DSTYK: variants seen among roughly 807,000 people sequenced by gnomAD.
DSTYK encodes the protein dual serine/threonine and tyrosine protein kinase.
Under a neutral mutation model 98.7 loss-of-function variants are expected in DSTYK, and 34 were observed. That is an observed-to-expected ratio of 0.34 (90% CI 0.26 to 0.46). The LOEUF (loss-of-function observed/expected upper bound fraction) is 0.46. DSTYK is among the 20% of genes least tolerant of loss of function. DSTYK has a pLI of 1.00. For synonymous variants in DSTYK, 462 were observed against 457.3 expected, an observed-to-expected ratio of 1.01 and a Z score of -0.13; for missense variants, 962 against 1,181.7, an observed-to-expected ratio of 0.81 and a Z score of 2.73.
Position 205,163,015 on chromosome 1 carries a change from GAC to G in DSTYK, c.1558-11_1558-10del. 1 of 1,612,206 alleles carries G rather than the reference GAC, an allele frequency of 6.2e-7. No homozygotes were observed. Among genetic ancestry groups the G allele is most frequent in the Non-Finnish European group, 8.5e-7 (1 of 1,178,256 alleles). On this transcript the variant is annotated splice_polypyrimidine_tract_variant and intron_variant, in intron 4 of 12. Coordinates refer to ENST00000367162, the MANE Select transcript of DSTYK (RefSeq NM_015375.3). ...TAGGCAGCATTTAAGATCTGAAAGA[GAC>G]AACGCCAAAGAAAACATGTCCTCAG...
rs1657102202 is a variant in DSTYK, at chr1:205,142,520, C to T, written c.*5038G>A. 1 of 152,196 alleles carries T rather than the reference C, an allele frequency of 6.6e-6. No homozygotes were observed. Among genetic ancestry groups the T allele is most frequent in the Non-Finnish European group, 1.5e-5 (1 of 68,042 alleles). 9.4% of individuals were successfully genotyped at this position (152,196 alleles called of 1,614,324 possible). A position where few individuals can be genotyped will look rare whatever the true frequency, so the allele number is the denominator to read the frequency against. ...TAGAAACCTAAAACGTTAATGTGAT[C>T]TTTATTATACAGCACATCTGGTATT... On this transcript the variant is annotated 3_prime_UTR_variant, in exon 13 of 13. Transcript: ENST00000367162.
At chr1:205,153,821 A>G (rs911473926) in intron 10 of DSTYK, among the ~76,000 whole-genome samples, 2 of 151,062 alleles carry the variant, frequency 1.3e-5, no homozygotes, top group Admixed American at 6.6e-5. Context: ...CTCCTGCCTC[A>G]GCCTCCTAAG....
At position 205,159,626 on chromosome 1, in the gene DSTYK, T is replaced by C. The variant is rs1574754904; in HGVS notation, c.2159A>G (p.Tyr720Cys). The C allele has an allele frequency of 6.2e-7, 1 of 1,613,854 alleles. No individual in the cohort carries two copies. The highest frequency in any genetic ancestry group is 8.5e-7 in the Non-Finnish European group (1 of 1,179,970). ...LVDLHGSVIDYNYGGGSSIAV... is the reference protein window; with the variant it reads ...LVDLHGSVIDCNYGGGSSIAV... Reference sequence around the variant, plus strand: ...AATGCTGGAGCCACCACCATAGTTGTAGTCAATGACTGAACCATGGAGATC... The same window carrying C: ...AATGCTGGAGCCACCACCATAGTTGCAGTCAATGACTGAACCATGGAGATC... The change falls in exon 9 of 13, where the codon TAC (tyrosine) becomes TGC (cysteine). Residue 720 changes from tyrosine (Y) to cysteine (C), a missense_variant. Tyr to Cys is a radical substitution (Grantham distance 194, BLOSUM62 -2). Around this residue, in one of 4 missense-constraint regions of DSTYK, gnomAD observed 660 missense variants for 855.0 expected, o/e 0.77. Coordinates refer to ENST00000367162, the MANE Select transcript of DSTYK (RefSeq NM_015375.3).
intron 1 of DSTYK, among the ~76,000 whole-genome samples, chr1:205,198,608 C>T (rs1455650241): frequency 6.6e-6 from 1 of 152,096 alleles, no homozygotes; most frequent in Non-Finnish European, 1.5e-5. Flanking sequence ...CTGGTTCATT[C>T]TCACTGTCCC....
chr1:205,181,243 T>C (rs142507823), intron 2 of DSTYK, among the ~76,000 whole-genome samples: 3 of 152,284 alleles, frequency 2.0e-5, no homozygotes, highest in African/African-American at 7.2e-5. Context: ...GCCCTGAGGA[T>C]CTCACTCAGC....
Position 205,150,855 on chromosome 1 carries a change from TACCTAA to T in DSTYK, c.2353-67_2353-62del. The T allele has an allele frequency of 2.3e-6, 3 of 1,321,250 alleles. No homozygotes were observed. Among genetic ancestry groups the T allele is most frequent in the Non-Finnish European group, 2.2e-6 (2 of 916,620 alleles). The allele number at this position is 1,321,250 out of a possible 1,614,324, so 81.8% of individuals were successfully genotyped here. ...TGATCCTGCACACAGCACTGCTGCG[TACCTAA>T]GCTCAAAGGTAGGTACCTCAAAGTA... is the stretch of plus-strand genomic sequence containing the variant. On this transcript the variant is annotated intron_variant, in intron 10 of 12. Coordinates refer to ENST00000367162, the MANE Select transcript of DSTYK (RefSeq NM_015375.3). The surrounding 1 kb of genome is among the most constrained non-coding windows in gnomAD (Gnocchi z 4.1).
At chr1:205,192,181 A>G (rs531793811) in intron 1 of DSTYK, among the ~76,000 whole-genome samples, 1 of 152,114 alleles carries the variant, frequency 6.6e-6, no homozygotes, top group African/African-American at 2.4e-5. Context: ...TATTTGCTTC[A>G]TTTCATTTAA....
intron 1 of DSTYK, chr1:205,202,171 G>T: frequency 3.6e-6 from 2 of 552,294 alleles, no homozygotes; most frequent in Non-Finnish European, 7.3e-6. Context: ...CCCCTACGTG[G>T]CCTGAGGTAA....
At chr1:205,206,989 T>A (rs1659221210) in intron 1 of DSTYK, among the ~76,000 whole-genome samples, 2 of 151,890 alleles carry the variant, frequency 1.3e-5, no homozygotes, top group Non-Finnish European at 2.9e-5. Context: ...TTGTCCAAGA[T>A]CATTTGGTTA....
At chr1:205,198,652 T>C (rs1339460539) in intron 1 of DSTYK, among the ~76,000 whole-genome samples, 1 of 152,186 alleles carries the variant, frequency 6.6e-6, no homozygotes, top group Admixed American at 6.6e-5. Flanking sequence ...TTATTTAAAA[T>C]AGTCTTGTAA....
chr1:205,172,490 T>A (rs1027838349), intron 2 of DSTYK, among the ~76,000 whole-genome samples: 2 of 151,114 alleles, frequency 1.3e-5, no homozygotes, highest in African/African-American at 4.9e-5. Context: ...TTGGGTTTTT[T>A]TTTTTTGGTA....
chr1:205,149,310 A>G (rs1657336921), intron 11 of DSTYK, among the ~76,000 whole-genome samples: 1 of 151,930 alleles, frequency 6.6e-6, no homozygotes, highest in South Asian at 2.1e-4. Flanking sequence ...TAATCCTTAC[A>G]TGTATCACCC....
At chr1:205,205,552 T>C (rs1209018518) in intron 1 of DSTYK, among the ~76,000 whole-genome samples, 1 of 152,076 alleles carries the variant, frequency 6.6e-6, no homozygotes, top group Non-Finnish European at 1.5e-5. Context: ...TTCCAGCGAT[T>C]CTCCTGCCTC....
At chr1:205,160,012 A>C in intron 8 of DSTYK, 102 bp downstream of exon 8, 10 of 1,380,262 alleles carry the variant, frequency 7.2e-6, no homozygotes, top group Non-Finnish European at 1.0e-5. Context: ...AGAAAACTAA[A>C]TATAGAGAGG....
At chr1:205,205,597 C>T (rs1019582289) in intron 1 of DSTYK, among the ~76,000 whole-genome samples, 4 of 152,008 alleles carry the variant, frequency 2.6e-5, no homozygotes, top group Non-Finnish European at 5.9e-5. Flanking sequence ...AGGCCCGCAC[C>T]GCCATGCCCA....
chr1:205,185,540 T>C (rs1658536504), intron 2 of DSTYK, among the ~76,000 whole-genome samples: 1 of 152,192 alleles, frequency 6.6e-6, no homozygotes. Context: ...GGTTATAATC[T>C]ATCAGGTCAT....
chr1:205,199,694 C>T (rs1047376163), intron 1 of DSTYK, among the ~76,000 whole-genome samples: 13 of 152,256 alleles, frequency 8.5e-5, no homozygotes, highest in South Asian at 8.3e-4. Flanking sequence ...CACGTGGACT[C>T]GCCCTCTGTA....
At chr1:205,166,120 AG>A (rs1160994019) in intron 3 of DSTYK, among the ~76,000 whole-genome samples, 1 of 152,230 alleles carries the variant, frequency 6.6e-6, no homozygotes, top group Non-Finnish European at 1.5e-5. Flanking sequence ...ATCCATTAGA[AG>A]AAGACAAATT....
chr1:205,192,133 A>G (rs889981862), intron 1 of DSTYK, among the ~76,000 whole-genome samples: 2 of 152,192 alleles, frequency 1.3e-5, no homozygotes, highest in Non-Finnish European at 2.9e-5. Flanking sequence ...TTTGTTTTAC[A>G]TAACATTTAT....
Sources: gnomAD v4.1 joint callset for allele counts (sites outside exome capture counted in the v4.1 genomes callset) on GRCh38, gnomAD v4.1.1 for gene constraint, gnomAD v4.1.1 regional missense constraint, Gnocchi (gnomAD v3.1) non-coding constraint, MANE v1.5 for transcripts, NCBI Gene and HGNC (gene_info 2026-07-23, HGNC 2026-07-21) for gene names.